Variants in IGSF6 observed in about 807,000 individuals in gnomAD.
IGSF6 encodes immunoglobulin superfamily member 6, also known as down-regulated by activation (immunoglobulin superfamily).
IGSF6 carries 23 observed loss-of-function variants against 24.7 expected under a neutral mutation model. That is an observed-to-expected ratio of 0.93 (90% CI 0.67 to 1.32). IGSF6 has a LOEUF of 1.32. Among genes scored for constraint, IGSF6 ranks in the 40% most tolerant of loss-of-function variants. IGSF6 has a pLI of 0.00. For missense variants in IGSF6, 295 were observed against 293.6 expected (o/e 1.00, Z -0.04); for synonymous variants, 110 against 113.7 (o/e 0.97, Z 0.21).
At chr16:21,652,410 G>T in intron 1 of IGSF6, 122 bp downstream of exon 1, 1 of 649,356 alleles carries the variant, frequency 1.5e-6, no homozygotes, top group Non-Finnish European at 2.5e-6. Context: ...ATCCTCTTAG[G>T]CAGTTTTCAT....
At chr16:21,645,413 C>T (rs774506264) in intron 2 of IGSF6, among the ~76,000 whole-genome samples, 22 of 151,986 alleles carry the variant, frequency 1.4e-4, no homozygotes, top group African/African-American at 5.3e-4. Flanking sequence ...GCTGAGATCA[C>T]GCCACGGCAC....
At chr16:21,651,084 G>A (rs560489513) in intron 1 of IGSF6, among the ~76,000 whole-genome samples, 6 of 152,224 alleles carry the variant, frequency 3.9e-5, no homozygotes, top group Admixed American at 1.3e-4. Context: ...TTAGCCGGGT[G>A]TGGTGGCAGA....
chr16:21,643,636 T>C, intron 3 of IGSF6, 38 bp from the exon 4 acceptor site: 1 of 1,410,458 alleles, frequency 7.1e-7, no homozygotes, highest in Non-Finnish European at 1.0e-6. Flanking sequence ...AAACATTTTA[T>C]GTACTCATAA....
intron 1 of IGSF6, among the ~76,000 whole-genome samples, chr16:21,647,835 T>C (rs1362996321): frequency 6.6e-6 from 1 of 152,138 alleles, no homozygotes; most frequent in African/African-American, 2.4e-5. Flanking sequence ...CAAGCTTTCC[T>C]TCGATCCAAT....
chr16:21,643,283 T>C (rs1424101837), intron 4 of IGSF6, 129 bp from the exon 5 acceptor site: 1 of 690,210 alleles, frequency 1.4e-6, no homozygotes, highest in Non-Finnish European at 2.5e-6. Context: ...AACACATATG[T>C]GCCTACAGTT....
At position 21,644,374 on chromosome 16, in the gene IGSF6, T is replaced by A. The variant is rs1966365493; in HGVS notation, c.450A>T (p.Glu150Asp). 1.9e-6 allele frequency: 3 copies of A among 1,613,200 alleles called. No homozygotes were observed. The highest frequency in any genetic ancestry group is 2.5e-6 in the Non-Finnish European group (3 of 1,179,328). The change falls in exon 3 of 6, where the codon GAA (glutamate) becomes GAT (aspartate). Residue 150 changes from glutamate (E) to aspartate (D), a missense_variant. By Grantham distance (45) the Glu-to-Asp change is conservative (BLOSUM62 2). Transcript: ENST00000268389. ...CAAGAGCTGTCAGGAAGCTCCGCAG[T>A]TCCTTGCTGAGCAGCTTAATTTCTT... The part of the protein sequence containing the change: ...VVREIKLLSK[E>D]LRSFLTALVS...
chr16:21,652,447 G>A, intron 1 of IGSF6, 85 bp downstream of exon 1: 1 of 1,046,856 alleles, frequency 9.6e-7, no homozygotes, highest in Non-Finnish European at 1.4e-6. Context: ...AAATTAATCT[G>A]AAGGAGCTTA....
chr16:21,646,246 T>G (rs1966426130), intron 2 of IGSF6: 1 of 152,148 alleles, frequency 6.6e-6, no homozygotes, highest in African/African-American at 2.4e-5. Flanking sequence ...ATGTTTGATG[T>G]CCTCGCTCGG....
intron 2 of IGSF6, 133 bp downstream of exon 2, chr16:21,647,000 G>C (rs555533300): frequency 8.3e-7 from 1 of 1,208,064 alleles, no homozygotes; most frequent in Non-Finnish European, 1.2e-6. Flanking sequence ...CTTGTGTTCA[G>C]ATCACACCCA....
At chr16:21,650,586 G>T (rs935104008) in intron 1 of IGSF6, among the ~76,000 whole-genome samples, 1 of 151,586 alleles carries the variant, frequency 6.6e-6, no homozygotes, top group Non-Finnish European at 1.5e-5. Context: ...AAAACTAGTA[G>T]TATAGGATAA....
In IGSF6 at chr16:21,640,810, C is replaced by T. The variant is rs1276685053; in HGVS notation, c.*724G>A. On this transcript the variant is annotated 3_prime_UTR_variant, in exon 6 of 6. Coordinates refer to ENST00000268389, the MANE Select transcript of IGSF6 (RefSeq NM_005849.4). ...AAAGAAAAAAAATCAGTATTACAAA[C>T]GTGCTTGTAAAGTAGATGTGTTGCC... The T allele has an allele frequency of 6.7e-6, 1 of 150,322 alleles. No individual in the cohort carries two copies. The highest frequency in any genetic ancestry group is 2.4e-5 in the African/African-American group (1 of 40,820). 9.3% of individuals were successfully genotyped at this position (150,322 alleles called of 1,614,324 possible).
Position 21,643,061 on chromosome 16 carries a change from AT to A in IGSF6, c.666+12del. 1.3e-6 allele frequency: 2 copies of A among 1,564,202 alleles called. No homozygotes were observed. Among genetic ancestry groups the A allele is most frequent in the Non-Finnish European group, 8.7e-7 (1 of 1,143,082 alleles). On this transcript the variant is annotated intron_variant, in intron 5 of 5. Transcript: ENST00000268389. ...ATCTGTATTTACATTTTTTTTTGACATTTTACACTTACAGATTGCTGATTTG... is the reference window on the plus strand; with the variant it reads ...ATCTGTATTTACATTTTTTTTTGACATTTACACTTACAGATTGCTGATTTG...
At position 21,643,101 on chromosome 16, in the gene IGSF6, C is replaced by T; in HGVS notation, c.639G>A (p.Lys213=). Residue 213 remains lysine, a synonymous_variant, in exon 5 of 6, where the codon AAG becomes AAA. Coordinates refer to ENST00000268389, the MANE Select transcript of IGSF6 (RefSeq NM_005849.4). ...FQEIAQELYH[K]RHVETNQQSE... is the part of the protein sequence containing the mutation. ...ATTGCTGATTTGTTTCCACATGTCT[C>T]TTATGGTATAGTTCTTGAGCAATTT... 1 of 1,608,560 alleles carries T rather than the reference C, an allele frequency of 6.2e-7. No homozygotes were observed. The highest frequency in any genetic ancestry group is 8.5e-7 in the Non-Finnish European group (1 of 1,177,312).
rs911640770 is a variant in IGSF6, at chr16:21,644,388, G to A, written c.436C>T (p.Leu146=). The change falls in exon 3 of 6, where the codon CTG becomes TTG. Residue 146 remains leucine (L), a synonymous_variant. Transcript: ENST00000268389. ...GTTLVVREIK[L]LSKELRSFLT... ...AAGCTCCGCAGTTCCTTGCTGAGCAGCTTAATTTCTTAATGACAAAAACAG... is the reference window on the plus strand; with the variant it reads ...AAGCTCCGCAGTTCCTTGCTGAGCAACTTAATTTCTTAATGACAAAAACAG... 8.1e-6 allele frequency: 13 copies of A among 1,610,412 alleles called. No homozygotes were observed. The highest frequency in any genetic ancestry group is 1.0e-5 in the Non-Finnish European group (12 of 1,176,948).
At position 21,640,973 on chromosome 16, in the gene IGSF6, C is replaced by T. The variant is rs1330072917; in HGVS notation, c.*561G>A. ...TTGGCTTTTATGGTCTTACTCTAGC[C>T]ACTATATTATTCTCATTTTGCTGAT... On this transcript the variant is annotated 3_prime_UTR_variant, in exon 6 of 6. Coordinates refer to ENST00000268389, the MANE Select transcript of IGSF6 (RefSeq NM_005849.4). 2.6e-5 allele frequency: 4 copies of T among 152,042 alleles called. No individual in the cohort carries two copies. Among genetic ancestry groups the T allele is most frequent in the Admixed American group, 6.6e-5 (1 of 15,258 alleles). 9.4% of individuals were successfully genotyped at this position (152,042 alleles called of 1,614,324 possible). A position where few individuals can be genotyped will look rare whatever the true frequency, so the allele number is the denominator to read the frequency against.
chr16:21,652,335 G>A, intron 1 of IGSF6, 197 bp downstream of exon 1: 2 of 479,526 alleles, frequency 4.2e-6, no homozygotes, highest in Non-Finnish European at 3.7e-6. Context: ...ACTTTTCAAG[G>A]TTAATATGAA....
At chr16:21,646,913 C>CA (rs1305543290) in intron 2 of IGSF6, 1 of 566,194 alleles carries the variant, frequency 1.8e-6, no homozygotes, top group Non-Finnish European at 3.2e-6. Context: ...ACCTCAGCCT[C>CA]AAAGTGCTGG....
At chr16:21,642,196 A>T (rs1340851222) in intron 5 of IGSF6, 1 of 152,124 alleles carries the variant, frequency 6.6e-6, no homozygotes, top group Non-Finnish European at 1.5e-5. Context: ...AGTTGGACTT[A>T]AAAAAATCGC....
chr16:21,640,107 T>A lies in IGSF6; in HGVS notation c.*1427A>T, dbSNP rs1322746791. ...TGTGTGCCACCAAACCCCGCTAAAT[T>A]TTTTTGTATTTTTAGTAGAGACGGG... is the stretch of plus-strand genomic sequence containing the variant. On this transcript the variant is annotated 3_prime_UTR_variant, in exon 6 of 6. Coordinates refer to ENST00000268389, the MANE Select transcript of IGSF6 (RefSeq NM_005849.4). The A allele has an allele frequency of 6.7e-6, 1 of 149,244 alleles. No individual in the cohort carries two copies. The highest frequency in any genetic ancestry group is 6.6e-5 in the Admixed American group (1 of 15,140). The allele number at this position is 149,244 out of a possible 1,614,324, so 9.2% of individuals were successfully genotyped here.
Sources: allele counts gnomAD v4.1 joint callset (sites outside exome capture counted in the v4.1 genomes callset), GRCh38; gene constraint gnomAD v4.1.1; transcripts MANE v1.5; gene names NCBI Gene and HGNC (gene_info 2026-07-23, HGNC 2026-07-21).